The following NIPAL2 variants were observed in gnomAD, a reference collection of about 807,000 sequenced individuals.
The protein encoded by NIPAL2 is NIPA like domain containing 2, also known as NIPA-like protein 2.
NIPAL2 carries 43 observed loss-of-function variants against 48.9 expected under a neutral mutation model. That is an observed-to-expected ratio of 0.88 (90% confidence interval 0.69 to 1.13). The LOEUF is 1.13. Ranked by LOEUF, NIPAL2 falls within the 50% of genes most tolerant of loss-of-function variation. NIPAL2 has a pLI of 0.00. For missense variants in NIPAL2, 446 were observed against 461.4 expected, an observed-to-expected ratio of 0.97 and a Z score of 0.31; for synonymous variants, 167 against 174.6, an observed-to-expected ratio of 0.96 and a Z score of 0.34.
chr8:98,258,613 A>G (rs760042482), intron 1 of NIPAL2, among the ~76,000 whole-genome samples: 6 of 152,186 alleles, frequency 3.9e-5, no homozygotes, highest in Non-Finnish European at 8.8e-5. Context: ...CGAACTTAGG[A>G]GTATGTGCCT....
intron 6 of NIPAL2, among the ~76,000 whole-genome samples, chr8:98,205,889 C>A (rs1811010094): frequency 6.6e-6 from 1 of 152,168 alleles, no homozygotes; most frequent in African/African-American, 2.4e-5. Context: ...ATTCATTTCT[C>A]AGGGTGGACC....
At position 98,257,728 on chromosome 8, in the gene NIPAL2, C is replaced by T. The variant is rs148514364; in HGVS notation, c.136-3641G>A. Among the ~76,000 whole-genome samples, 483 of 152,224 alleles carry T rather than the reference C, an allele frequency of 3.2e-3. 1 individual carries two copies. Among genetic ancestry groups the T allele is most frequent in the African/African-American group, 0.011 (455 of 41,528 alleles). On this transcript the variant is annotated intron_variant, in intron 1 of 10. Coordinates refer to ENST00000430223, the MANE Select transcript of NIPAL2 (RefSeq NM_001321635.2). ...GATGAGAGCTCTGAAGCCTGCTACC[C>T]AGAGGCTTCATCTGCATAATAGAAC...
intron 2 of NIPAL2, among the ~76,000 whole-genome samples, chr8:98,253,308 A>G (rs561956889): frequency 1.3e-5 from 2 of 152,132 alleles, no homozygotes; most frequent in African/African-American, 2.4e-5. Context: ...TTCCCTGAGG[A>G]TAAGAGGGAA....
At chr8:98,267,728 C>T (rs1312406436) in intron 1 of NIPAL2, among the ~76,000 whole-genome samples, 1 of 152,130 alleles carries the variant, frequency 6.6e-6, no homozygotes, top group African/African-American at 2.4e-5. Context: ...TATTTCCTTT[C>T]TTACCATTTC....
chr8:98,207,938 T>G (rs1811116290), intron 6 of NIPAL2, among the ~76,000 whole-genome samples: 2 of 152,216 alleles, frequency 1.3e-5, no homozygotes, highest in African/African-American at 4.8e-5. Context: ...ATCCATTTTT[T>G]TTTTAACTAT....
chr8:98,243,170 T>C (rs1315757451), intron 3 of NIPAL2, among the ~76,000 whole-genome samples: 1 of 152,182 alleles, frequency 6.6e-6, no homozygotes, highest in Non-Finnish European at 1.5e-5. Flanking sequence ...GCTCTAATGC[T>C]TTAAGGAAGC....
intron 6 of NIPAL2, among the ~76,000 whole-genome samples, chr8:98,205,821 G>A (rs773374415): frequency 3.3e-5 from 5 of 152,124 alleles, no homozygotes; most frequent in Non-Finnish European, 5.9e-5. Context: ...ACACCTAGAA[G>A]TTTCATTAAG....
In NIPAL2 at chr8:98,205,231, A is replaced by G. The variant is rs767397952; in HGVS notation, c.671T>C (p.Ile224Thr). 2.5e-6 allele frequency: 4 copies of G among 1,611,520 alleles called. No individual in the cohort carries two copies. The highest frequency in any genetic ancestry group is 2.5e-6 in the Non-Finnish European group (3 of 1,179,362). The stretch of plus-strand genomic sequence containing the variant: ...CATGCCTGAGACGGCCTTTACTGAA[A>G]TAACAGTCAATGAGGCTGAAAAAGA... ...LVAILASLTV[I>T]SVKAVSGMIT... is the part of the protein sequence containing the mutation. Residue 224 changes from isoleucine (I) to threonine (T), a missense_variant, in exon 7 of 11, where the codon ATT (isoleucine) becomes ACT (threonine). By Grantham distance (89) the Ile-to-Thr change is moderately conservative. Coordinates refer to ENST00000430223, the MANE Select transcript of NIPAL2 (RefSeq NM_001321635.2).
intron 2 of NIPAL2, among the ~76,000 whole-genome samples, chr8:98,253,751 G>A (rs998709238): frequency 5.3e-5 from 8 of 152,038 alleles, no homozygotes; most frequent in Non-Finnish European, 1.0e-4. Context: ...AGACACCGTC[G>A]GCCCCTTACC....
At chr8:98,210,016 A>T (rs1332476322) in intron 6 of NIPAL2, among the ~76,000 whole-genome samples, 1 of 151,906 alleles carries the variant, frequency 6.6e-6, no homozygotes, top group African/African-American at 2.4e-5. Flanking sequence ...TATCATTTCT[A>T]TTTTGGGGTA....
intron 6 of NIPAL2, among the ~76,000 whole-genome samples, chr8:98,209,728 G>C (rs1811221429): frequency 6.6e-6 from 1 of 151,778 alleles, no homozygotes; most frequent in African/African-American, 2.4e-5. Context: ...TTAGTTCATA[G>C]TGTTTTTTGT....
At chr8:98,202,923 G>A (rs183740680) in intron 8 of NIPAL2, among the ~76,000 whole-genome samples, 185 bp downstream of exon 8, 201 of 152,298 alleles carry the variant, frequency 1.3e-3, no homozygotes, top group African/African-American at 4.5e-3. Context: ...GCTGACCCAG[G>A]AGGCAGAGAG....
At chr8:98,219,637 C>G (rs143175949) in intron 5 of NIPAL2, among the ~76,000 whole-genome samples, 1 of 152,310 alleles carries the variant, frequency 6.6e-6, no homozygotes, top group Non-Finnish European at 1.5e-5. Flanking sequence ...TGTAAATACT[C>G]TAGAACTTGG....
At chr8:98,222,146 TA>T (rs781225289) in intron 5 of NIPAL2, among the ~76,000 whole-genome samples, 3 of 152,184 alleles carry the variant, frequency 2.0e-5, no homozygotes, top group Non-Finnish European at 4.4e-5. Context: ...CTATTTTGAA[TA>T]AAGTTCAGTA....
intron 5 of NIPAL2, among the ~76,000 whole-genome samples, chr8:98,214,575 A>G (rs1811482612): frequency 6.6e-6 from 1 of 151,684 alleles, no homozygotes; most frequent in African/African-American, 2.4e-5. Flanking sequence ...TTTTTTTTTA[A>G]CCACAGGAGT....
intron 1 of NIPAL2, among the ~76,000 whole-genome samples, chr8:98,261,180 A>G (rs2130851984): frequency 6.6e-6 from 1 of 151,528 alleles, no homozygotes; most frequent in African/African-American, 2.4e-5. Context: ...GATGGGGAAA[A>G]AACAGAACAG....
At chr8:98,288,665 A>G (rs2130919835) in intron 1 of NIPAL2, among the ~76,000 whole-genome samples, 1 of 151,372 alleles carries the variant, frequency 6.6e-6, no homozygotes, top group Non-Finnish European at 1.5e-5. Context: ...CAACAGTGTA[A>G]AAGTGTTCCT....
chr8:98,222,312 T>C (rs991752206), intron 5 of NIPAL2, among the ~76,000 whole-genome samples, 167 bp downstream of exon 5: 1 of 152,178 alleles, frequency 6.6e-6, no homozygotes, highest in African/African-American at 2.4e-5. Flanking sequence ...TAAGGGTGCT[T>C]CTGTTGCTGA....
chr8:98,282,781 T>C (rs909125349), intron 1 of NIPAL2, among the ~76,000 whole-genome samples: 3 of 152,232 alleles, frequency 2.0e-5, no homozygotes, highest in East Asian at 1.9e-4. Flanking sequence ...TGTGCTATTT[T>C]TACCACTAAT....
Sources: gnomAD v4.1 joint callset for allele counts (sites outside exome capture counted in the v4.1 genomes callset) on GRCh38, gnomAD v4.1.1 for gene constraint, MANE v1.5 for transcripts, NCBI Gene and HGNC (gene_info 2026-07-23, HGNC 2026-07-21) for gene names.